The following OTUD7B variants were observed in gnomAD, a reference collection of about 807,000 sequenced individuals.
OTUD7B encodes OTU deubiquitinase 7B, also known as OTU domain-containing protein 7B.
A neutral mutation model predicts 82.2 loss-of-function variants in OTUD7B; 34 were observed. That is an observed-to-expected ratio of 0.41 (90% CI 0.31 to 0.55). The LOEUF (loss-of-function observed/expected upper bound fraction) is 0.55, where lower values mean the gene tolerates loss of function less well. OTUD7B is among the 20% of genes least tolerant of loss of function. The probability of loss-of-function intolerance (pLI) is 0.20; values close to 1 mark genes in which losing one functional copy is unlikely to be tolerated. For synonymous variants in OTUD7B, 398 were observed against 402.7 expected (o/e 0.99, Z 0.14); for missense variants, 944 against 1,062.1 (o/e 0.89, Z 1.55).
the OTUD7B span, among the ~76,000 whole-genome samples, chr1:150,026,987 T>A: frequency 6.6e-6 from 1 of 152,218 alleles, no homozygotes; most frequent in Non-Finnish European, 1.5e-5. Flanking sequence ...CAGTTAAAGC[T>A]ATACTATATT....
chr1:149,983,359 G>A (rs1650919632), intron 1 of OTUD7B, among the ~76,000 whole-genome samples: 1 of 152,140 alleles, frequency 6.6e-6, no homozygotes, highest in African/African-American at 2.4e-5. Context: ...CCATCTTCCT[G>A]AGCAATTTCA....
intron 1 of OTUD7B, among the ~76,000 whole-genome samples, chr1:149,980,790 A>G (rs1426358996): frequency 6.6e-6 from 1 of 152,116 alleles, no homozygotes; most frequent in African/African-American, 2.4e-5. Flanking sequence ...AGGCAGGAGG[A>G]TCACTTGAGC....
In OTUD7B at chr1:149,943,565, G is replaced by C. The variant is rs1553770961; in HGVS notation, c.*292C>G. On this transcript the variant is annotated 3_prime_UTR_variant, in exon 12 of 12. Coordinates refer to ENST00000581312, the MANE Select transcript of OTUD7B (RefSeq NM_020205.4). ...CCCTGCTACTTTCTCTTAGGTCCCT[G>C]GATGGGACCCAGGAGGTTATAAGAC... is the stretch of plus-strand genomic sequence containing the variant. 3.1e-6 allele frequency: 1 copy of C among 325,460 alleles called. No homozygotes were observed. The highest frequency in any genetic ancestry group is 2.1e-5 in the African/African-American group (1 of 46,734). 20.2% of individuals were successfully genotyped at this position (325,460 alleles called of 1,614,324 possible).
the OTUD7B span, among the ~76,000 whole-genome samples, chr1:150,061,950 G>A: frequency 4.3e-3 from 651 of 152,120 alleles, 3 homozygotes; most frequent in African/African-American, 0.015. Context: ...ATAAGCCCTG[G>A]GTCTGGAAGG....
chr1:149,982,486 G>A (rs1399690541), intron 1 of OTUD7B, among the ~76,000 whole-genome samples: 1 of 152,202 alleles, frequency 6.6e-6, no homozygotes, highest in South Asian at 2.1e-4. Context: ...TAGAGACAAG[G>A]TCTAGCTCTG....
At chr1:150,016,446 CTTTTTCT>C in the OTUD7B span, among the ~76,000 whole-genome samples, 3 of 130,062 alleles carry the variant, frequency 2.3e-5, no homozygotes, top group Non-Finnish European at 4.8e-5. Flanking sequence ...TTTCTCTTTT[CTTTTTCT>C]TTTTTTTTTT....
the OTUD7B span, among the ~76,000 whole-genome samples, chr1:150,017,672 G>A: frequency 3.9e-5 from 6 of 152,328 alleles, no homozygotes; most frequent in African/African-American, 1.4e-4. Flanking sequence ...TCAGCACTAG[G>A]AGGGAGGCCA....
chr1:150,019,034 C>T, the OTUD7B span, among the ~76,000 whole-genome samples: 1 of 152,184 alleles, frequency 6.6e-6, no homozygotes, highest in South Asian at 2.1e-4. Flanking sequence ...CCGATCTAGA[C>T]ATACACACAT....
intron 1 of OTUD7B, among the ~76,000 whole-genome samples, chr1:149,979,551 T>C (rs945020093): frequency 2.0e-5 from 3 of 152,226 alleles, no homozygotes; most frequent in Non-Finnish European, 4.4e-5. Context: ...TTGACTATCA[T>C]TCTAGATATT....
At chr1:150,004,998 G>A (rs1417769415) in intron 1 of OTUD7B, among the ~76,000 whole-genome samples, 1 of 152,068 alleles carries the variant, frequency 6.6e-6, no homozygotes, top group Non-Finnish European at 1.5e-5. Context: ...GAGTAGCTGG[G>A]ATTACAGGCG....
intron 7 of OTUD7B, among the ~76,000 whole-genome samples, chr1:149,951,560 A>G (rs1275105261): frequency 2.6e-5 from 4 of 152,122 alleles, no homozygotes; most frequent in Non-Finnish European, 5.9e-5. Context: ...CGGAGGGACA[A>G]ATTTGCTCCT....
intron 1 of OTUD7B, among the ~76,000 whole-genome samples, chr1:150,002,949 C>T (rs1340620871): frequency 6.6e-6 from 1 of 152,152 alleles, no homozygotes; most frequent in South Asian, 2.1e-4. Flanking sequence ...TGATATACTG[C>T]AGTATAAGAT....
chr1:150,060,946 C>T, the OTUD7B span, among the ~76,000 whole-genome samples: 2 of 151,390 alleles, frequency 1.3e-5, no homozygotes, highest in Non-Finnish European at 2.9e-5. Flanking sequence ...TTTCTGAGAC[C>T]GGGTCTTGCT....
chr1:150,022,026 G>A, the OTUD7B span, among the ~76,000 whole-genome samples: 1 of 152,054 alleles, frequency 6.6e-6, no homozygotes, highest in East Asian at 1.9e-4. Flanking sequence ...TTCCCAGCCT[G>A]AGCCTGGAAC....
At chr1:150,042,133 C>CCCT in the OTUD7B span, among the ~76,000 whole-genome samples, 1 of 91,826 alleles carries the variant, frequency 1.1e-5, no homozygotes, top group Non-Finnish European at 2.3e-5. Context: ...CTCCCTCCCT[C>CCCT]CCTCCCTCCC....
Position 149,951,001 on chromosome 1 carries a change from T to TTTTTTTTG in OTUD7B, c.846-781_846-780insCAAAAAAA, listed in dbSNP as rs1388877490. 1.3e-4 allele frequency among the ~76,000 whole-genome samples: 8 copies of TTTTTTTTG among 63,718 alleles called. 2 individuals are homozygous for TTTTTTTTG. The highest frequency in any genetic ancestry group is 2.1e-4 in the African/African-American group (3 of 14,358). 41.8% of individuals were successfully genotyped at this position (63,718 alleles called of 152,430 possible). A position where few individuals can be genotyped will look rare whatever the true frequency, so the allele number is the denominator to read the frequency against. On this transcript the variant is annotated intron_variant, in intron 7 of 11. Transcript: ENST00000581312. ...TATTTTTTTTTTTTTTTTTTTTTTG[T>TTTTTTTTG]AGATGGAGTCTCACTCTTTCGCCCA...
chr1:149,947,174 A>T (rs1437672292), intron 11 of OTUD7B, 77 bp downstream of exon 11: 2 of 827,500 alleles, frequency 2.4e-6, no homozygotes, highest in East Asian at 2.5e-5. Flanking sequence ...TCAGAAGGAA[A>T]CCATCCCAGA....
At chr1:149,948,166 A>T (rs1477253811) in intron 10 of OTUD7B, among the ~76,000 whole-genome samples, 8 of 149,818 alleles carry the variant, frequency 5.3e-5, no homozygotes, top group African/African-American at 2.0e-4. Flanking sequence ...TTTAGTAGAG[A>T]TGTGGTTTCT....
the OTUD7B span, chr1:150,050,509 G>A: frequency 6.6e-6 from 1 of 152,102 alleles, no homozygotes; most frequent in African/African-American, 2.4e-5. Flanking sequence ...TGACTTCATA[G>A]TAATTCAACA....
Sources: gnomAD v4.1 joint callset for allele counts (sites outside exome capture counted in the v4.1 genomes callset) on GRCh38, gnomAD v4.1.1 for gene constraint, MANE v1.5 for transcripts, NCBI Gene and HGNC (gene_info 2026-07-23, HGNC 2026-07-21) for gene names.